Variants in WLS observed in about 807,000 individuals in gnomAD.
The protein encoded by WLS is Wnt ligand secretion mediator, also known as protein wntless homolog.
In WLS, 23 loss-of-function variants were observed where a neutral mutation model predicts 62.8. The ratio of observed to expected loss-of-function variants is 0.37; its 90% confidence interval spans 0.26 to 0.52. The LOEUF is 0.52. Ranked by LOEUF, WLS falls within the 20% of genes least tolerant of loss-of-function variation. WLS has a pLI of 0.92. For synonymous variants in WLS, 246 were observed against 244.1 expected (o/e 1.01, Z -0.07); for missense variants, 615 against 697.3 (o/e 0.88, Z 1.33).
At chr1:68,187,207 A>AAAAAAAAAAAAAAAAAAAAAAAAC (rs1648013331) in intron 2 of WLS, among the ~76,000 whole-genome samples, 1 of 150,976 alleles carries the variant, frequency 6.6e-6, no homozygotes, top group Non-Finnish European at 1.5e-5. Flanking sequence ...AAAAAAAAAA[A>AAAAAAAAAAAAAAAAAAAAAAAAC]AAAATTAGCA....
At chr1:68,130,034 G>A (rs1469126714) in intron 11 of WLS, among the ~76,000 whole-genome samples, 3 of 152,148 alleles carry the variant, frequency 2.0e-5, no homozygotes, top group African/African-American at 2.4e-5. Flanking sequence ...AAAGGACTAC[G>A]GCAATGCATC....
chr1:68,184,243 G>C (rs555840279), intron 2 of WLS, among the ~76,000 whole-genome samples: 1 of 152,310 alleles, frequency 6.6e-6, no homozygotes, highest in Non-Finnish European at 1.5e-5. Context: ...TTTGATCTAT[G>C]CACCCAGGTT....
chr1:68,186,199 T>C (rs983068636), intron 2 of WLS, among the ~76,000 whole-genome samples: 1 of 152,336 alleles, frequency 6.6e-6, no homozygotes, highest in Middle Eastern at 3.4e-3. Context: ...CCAGCTTCTA[T>C]AGTGTAAGTC....
intron 1 of WLS, among the ~76,000 whole-genome samples, chr1:68,231,063 A>AC (rs2100679211): frequency 6.6e-6 from 1 of 152,006 alleles, no homozygotes; most frequent in African/African-American, 2.4e-5. Context: ...AGGAAACCGA[A>AC]CCTCCCGTCC....
chr1:68,098,650 G>A (rs561611966), exon 12 of WLS: 25 of 1,613,860 alleles, frequency 1.5e-5, no homozygotes, highest in East Asian at 1.3e-4. Context: ...CAGAAGCTGC[G>A]TTGTCATTGA....
At chr1:68,201,415 A>G (rs920119157) in intron 1 of WLS, among the ~76,000 whole-genome samples, 2 of 152,258 alleles carry the variant, frequency 1.3e-5, no homozygotes, top group African/African-American at 4.8e-5. Flanking sequence ...CTGAAGTTAT[A>G]GTAGACACTT....
intron 11 of WLS, among the ~76,000 whole-genome samples, chr1:68,133,680 C>A (rs1399529157): frequency 6.6e-6 from 1 of 152,160 alleles, no homozygotes; most frequent in Admixed American, 6.5e-5. Context: ...TTGTCTTGAA[C>A]CTGTGGCCCA....
chr1:68,115,593 A>G (rs1557449843), intron 11 of WLS, among the ~76,000 whole-genome samples: 1 of 152,144 alleles, frequency 6.6e-6, no homozygotes, highest in Non-Finnish European at 1.5e-5. Flanking sequence ...GAAAGTACCT[A>G]TATCATGGGA....
chr1:68,231,198 GA>G (rs1650400980), intron 1 of WLS, among the ~76,000 whole-genome samples: 1 of 152,188 alleles, frequency 6.6e-6, no homozygotes, highest in East Asian at 1.9e-4. Flanking sequence ...GAGGGGAAGG[GA>G]GTTTTTCCGA....
intron 1 of WLS, 114 bp from the exon 2 acceptor site, chr1:68,194,341 G>T: frequency 7.4e-7 from 1 of 1,351,856 alleles, no homozygotes; most frequent in Non-Finnish European, 9.9e-7. Context: ...CCTTCTACAA[G>T]TGGGGCTCAG....
chr1:68,108,355 T>G (rs577275061), intron 11 of WLS, among the ~76,000 whole-genome samples: 1 of 152,334 alleles, frequency 6.6e-6, no homozygotes, highest in South Asian at 2.1e-4. Context: ...TCTTCATCTC[T>G]TAAAAGAGAC....
intron 11 of WLS, among the ~76,000 whole-genome samples, chr1:68,113,915 C>T (rs1570809407): frequency 6.6e-6 from 1 of 152,154 alleles, no homozygotes; most frequent in Non-Finnish European, 1.5e-5. Flanking sequence ...AGAAAGGTGG[C>T]GTGTTCAAGA....
intron 1 of WLS, among the ~76,000 whole-genome samples, chr1:68,208,721 T>A (rs915724051): frequency 1.3e-5 from 2 of 152,122 alleles, no homozygotes; most frequent in African/African-American, 2.4e-5. Context: ...AGAGGCAACA[T>A]GAGAAAGTAA....
At chr1:68,152,173 A>C (rs933974010) in intron 5 of WLS, among the ~76,000 whole-genome samples, 3 of 152,176 alleles carry the variant, frequency 2.0e-5, no homozygotes, top group African/African-American at 7.2e-5. Flanking sequence ...GGACACAATC[A>C]AGTGTTGTTC....
chr1:68,202,372 T>C (rs1276084939), intron 1 of WLS: 2 of 152,164 alleles, frequency 1.3e-5, no homozygotes, highest in African/African-American at 4.8e-5. Flanking sequence ...AATCCAGTGG[T>C]GGCCTGGATT....
At chr1:68,102,501 TCTC>T (rs570242214) in intron 11 of WLS, among the ~76,000 whole-genome samples, 1 of 152,202 alleles carries the variant, frequency 6.6e-6, no homozygotes, top group Non-Finnish European at 1.5e-5. Context: ...CAGACTCAAT[TCTC>T]CTCATGTGCA....
intron 1 of WLS, among the ~76,000 whole-genome samples, chr1:68,195,158 A>T (rs1339666702): frequency 2.0e-5 from 3 of 152,234 alleles, no homozygotes; most frequent in Non-Finnish European, 2.9e-5. Context: ...TAAAATAGTT[A>T]TATCATGCAT....
downstream of WLS, among the ~76,000 whole-genome samples, chr1:68,124,258 T>G (rs775180094): frequency 4.6e-5 from 7 of 152,196 alleles, no homozygotes; most frequent in Non-Finnish European, 8.8e-5. Context: ...ATTCTGATCG[T>G]ATCACTTTTC....
chr1:68,103,205 C>T (rs1251339225), intron 11 of WLS, among the ~76,000 whole-genome samples: 3 of 152,214 alleles, frequency 2.0e-5, no homozygotes, highest in Admixed American at 6.5e-5. Context: ...TCCTGTGATT[C>T]AAAGACGGTT....
Sources: allele counts gnomAD v4.1 joint callset (sites outside exome capture counted in the v4.1 genomes callset), GRCh38; gene constraint gnomAD v4.1.1; transcripts MANE v1.5; gene names NCBI Gene and HGNC (gene_info 2026-07-23, HGNC 2026-07-21).